PLA2R1: variants seen among roughly 807,000 people sequenced by gnomAD.
PLA2R1 encodes phospholipase A2 receptor 1, also known as secretory phospholipase A2 receptor.
A neutral mutation model predicts 195.9 loss-of-function variants in PLA2R1; 158 were observed. That is an observed-to-expected ratio of 0.81 (90% CI 0.71 to 0.92). The LOEUF is 0.92. Among genes scored for constraint, PLA2R1 ranks in the 40% least tolerant of loss-of-function variants. PLA2R1 has a pLI of 0.00. For synonymous variants in PLA2R1, 586 were observed against 598.2 expected, an observed-to-expected ratio of 0.98 and a Z score of 0.30; for missense variants, 1,626 against 1,764.6, an observed-to-expected ratio of 0.92 and a Z score of 1.41.
In PLA2R1 at chr2:159,936,624, T is replaced by C. The variant is rs180781752; in HGVS notation, c.*5154A>G. ...TGAGCACACAAAGCAGAAGACTTCC[T>C]GGATTTCCTTTCAGTTAGGTTAGGT... On this transcript the variant is annotated 3_prime_UTR_variant, in exon 30 of 30. Transcript: ENST00000283243. 1 of 152,328 alleles carries C rather than the reference T, an allele frequency of 6.6e-6. No individual in the cohort carries two copies. Among genetic ancestry groups the C allele is most frequent in the East Asian group, 1.9e-4 (1 of 5,186 alleles). The allele number at this position is 152,328 out of a possible 1,614,324, so 9.4% of individuals were successfully genotyped here.
intron 20 of PLA2R1, among the ~76,000 whole-genome samples, chr2:159,959,128 A>G (rs537427474): frequency 2.0e-5 from 3 of 152,234 alleles, no homozygotes; most frequent in South Asian, 4.2e-4. Context: ...CCTTTTATCT[A>G]TTTCCTTTCA....
chr2:159,946,978 A>G, intron 26 of PLA2R1, 61 bp from the exon 27 acceptor site: 2 of 1,033,194 alleles, frequency 1.9e-6, no homozygotes, highest in Middle Eastern at 2.1e-4. Context: ...ACTTTAAAAA[A>G]TGTTTCCTAT....
chr2:159,988,960 G>A (rs1399844098), intron 11 of PLA2R1, among the ~76,000 whole-genome samples: 2 of 152,234 alleles, frequency 1.3e-5, no homozygotes, highest in African/African-American at 4.8e-5. Flanking sequence ...CTGCACAAGT[G>A]TGTTAGGCAC....
At chr2:159,986,062 TG>T (rs1690305642) in intron 12 of PLA2R1, among the ~76,000 whole-genome samples, 1 of 152,102 alleles carries the variant, frequency 6.6e-6, no homozygotes, top group Non-Finnish European at 1.5e-5. Context: ...TCCATCTTCC[TG>T]GGGGTGCTTT....
At chr2:159,954,548 G>T (rs1486458987) in intron 23 of PLA2R1, among the ~76,000 whole-genome samples, 1 of 151,642 alleles carries the variant, frequency 6.6e-6, no homozygotes. Context: ...ATGCTAGGCT[G>T]CCCAGAGTTC....
intron 9 of PLA2R1, 118 bp downstream of exon 9, chr2:160,016,496 G>A: frequency 1.6e-6 from 1 of 640,292 alleles, no homozygotes. Context: ...GAGAGAGAGA[G>A]AGATGAAAGA....
intron 9 of PLA2R1, among the ~76,000 whole-genome samples, chr2:160,013,783 T>C (rs1243300096): frequency 6.7e-6 from 1 of 149,928 alleles, no homozygotes; most frequent in Admixed American, 6.7e-5. Context: ...GAATTTCATA[T>C]AAATGGTCCC....
chr2:159,926,802 C>T, the PLA2R1 span, among the ~76,000 whole-genome samples: 1 of 152,130 alleles, frequency 6.6e-6, no homozygotes. Flanking sequence ...AGCAGGGAGC[C>T]TTCACCACCC....
intron 4 of PLA2R1, among the ~76,000 whole-genome samples, chr2:160,030,720 C>T (rs1693801392): frequency 6.6e-6 from 1 of 152,090 alleles, no homozygotes; most frequent in South Asian, 2.1e-4. Context: ...TTCCTTGTAC[C>T]ATAGTATATG....
At chr2:159,955,061 T>C (rs1236888653) in intron 23 of PLA2R1, 138 bp downstream of exon 23, 1 of 634,782 alleles carries the variant, frequency 1.6e-6, no homozygotes, top group Non-Finnish European at 2.7e-6. Flanking sequence ...TAAACTTATG[T>C]AAAGCCAAAG....
In PLA2R1 at chr2:159,942,828, T is replaced by C. The variant is rs972071870; in HGVS notation, c.4145-669A>G. On this transcript the variant is annotated intron_variant, in intron 28 of 29. Coordinates refer to ENST00000283243, the MANE Select transcript of PLA2R1 (RefSeq NM_007366.5). ...AAGATCCAGAGAAAGGTATAGAGAA[T>C]GAACCAGAGGAAGATGAAGAAATGG... 5.3e-5 allele frequency among the ~76,000 whole-genome samples: 8 copies of C among 152,194 alleles called. No homozygotes were observed. In the East Asian group the frequency reaches 5.8e-4, roughly 11 times the overall value.
Position 159,936,924 on chromosome 2 carries a change from A to C in PLA2R1, c.*4854T>G, listed in dbSNP as rs968293068. ...AGCACTCTCTAACTTATCTTAACAT[A>C]GAAACTTTGTTCATATAAATAAGTA... On this transcript the variant is annotated 3_prime_UTR_variant, in exon 30 of 30. Coordinates refer to ENST00000283243, the MANE Select transcript of PLA2R1 (RefSeq NM_007366.5). The C allele has an allele frequency of 6.6e-6, 1 of 152,236 alleles. No individual in the cohort carries two copies. The highest frequency in any genetic ancestry group is 1.5e-5 in the Non-Finnish European group (1 of 68,032). The allele number at this position is 152,236 out of a possible 1,614,324, so 9.4% of individuals were successfully genotyped here.
intron 1 of PLA2R1, among the ~76,000 whole-genome samples, chr2:160,052,201 T>C (rs1250008215): frequency 6.6e-6 from 1 of 152,182 alleles, no homozygotes; most frequent in East Asian, 1.9e-4. Context: ...ATAGTCTTTC[T>C]CACATGAGGG....
At chr2:159,968,411 G>C (rs1688926471) in intron 19 of PLA2R1, among the ~76,000 whole-genome samples, 1 of 152,144 alleles carries the variant, frequency 6.6e-6, no homozygotes. Context: ...TTTGAAGGAA[G>C]GGCTGGAATG....
intron 10 of PLA2R1, among the ~76,000 whole-genome samples, chr2:160,007,547 G>A (rs916494388): frequency 3.3e-5 from 5 of 152,222 alleles, no homozygotes; most frequent in Non-Finnish European, 5.9e-5. Context: ...GGCAGATGCC[G>A]GCAGGCCGTC....
At chr2:159,942,013 TA>T (rs756538371) in intron 29 of PLA2R1, 21 bp from the exon 30 acceptor site, 1 of 1,601,842 alleles carries the variant, frequency 6.2e-7, no homozygotes, top group Non-Finnish European at 8.5e-7. Context: ...ATATTTTTCT[TA>T]AAAAAAGAAA....
At chr2:160,026,842 T>C (rs1693553088) in intron 6 of PLA2R1, among the ~76,000 whole-genome samples, 2 of 152,272 alleles carry the variant, frequency 1.3e-5, no homozygotes, top group South Asian at 4.1e-4. Context: ...CTTTTTGAAC[T>C]TGGAATTTTA....
chr2:160,006,461 C>T (rs549376463), intron 10 of PLA2R1, among the ~76,000 whole-genome samples: 3 of 152,176 alleles, frequency 2.0e-5, no homozygotes, highest in Non-Finnish European at 4.4e-5. Flanking sequence ...GCCGTACATC[C>T]ACTAATATAC....
At chr2:159,996,671 A>C (rs1691232866) in intron 11 of PLA2R1, among the ~76,000 whole-genome samples, 2 of 151,934 alleles carry the variant, frequency 1.3e-5, no homozygotes, top group Admixed American at 1.3e-4. Flanking sequence ...TGATATTCCC[A>C]TTACACAGTT....
Sources: allele counts gnomAD v4.1 joint callset (sites outside exome capture counted in the v4.1 genomes callset), GRCh38; gene constraint gnomAD v4.1.1; transcripts MANE v1.5; gene names NCBI Gene and HGNC (gene_info 2026-07-23, HGNC 2026-07-21).